VAMP7: variants seen among roughly 807,000 people sequenced by gnomAD.
The protein encoded by VAMP7 is vesicle-associated membrane protein 7.
Under a neutral mutation model 29.6 loss-of-function variants are expected in VAMP7, and 14 were observed. The ratio of observed to expected loss-of-function variants is 0.47; its 90% CI spans 0.31 to 0.74. The LOEUF (loss-of-function observed/expected upper bound fraction) is 0.74. Among genes scored for constraint, VAMP7 ranks in the 30% least tolerant of loss-of-function variants. VAMP7 has a pLI of 0.05. For missense variants in VAMP7, 223 were observed against 262.4 expected (o/e 0.85, Z 1.04); for synonymous variants, 95 against 88.1 (o/e 1.08, Z -0.44).
intron 2 of VAMP7, among the ~76,000 whole-genome samples, chrX:155,890,403 C>T (rs1028001554): frequency 6.6e-6 from 1 of 152,044 alleles, no homozygotes; most frequent in Non-Finnish European, 1.5e-5. Flanking sequence ...CTCTGTCACC[C>T]AGGCTGGAGT....
intron 1 of VAMP7, among the ~76,000 whole-genome samples, chrX:155,886,486 A>G (rs1311344460): frequency 2.0e-5 from 3 of 152,134 alleles, no homozygotes; most frequent in African/African-American, 4.8e-5. Flanking sequence ...ACTTATATTC[A>G]TTGTTCCTAG....
At chrX:155,889,173 G>A (rs1223609442) in intron 1 of VAMP7, among the ~76,000 whole-genome samples, 1 of 151,980 alleles carries the variant, frequency 6.6e-6, no homozygotes, top group East Asian at 1.9e-4. Context: ...ATATCTGTTT[G>A]TGCTATAATA....
Position 155,939,737 on chromosome X carries a change from C to T in VAMP7, c.538C>T (p.Arg180Ter). ...CAAAACTACCAGCAGAAATCTTGCT[C>T]GAGCCATGTGTATGAAGAACCTCAA... The part of the protein sequence containing the change: ...TFKTTSRNLA[R>*]AMCMKNLKLT... The change falls in exon 7 of 8, where the codon CGA becomes TGA. Residue 180 changes from arginine (R) to a stop codon, truncating the protein, a stop_gained. Transcript: ENST00000286448. LOFTEE classifies it high-confidence loss of function. 4.3e-6 allele frequency: 7 copies of T among 1,613,890 alleles called. No individual in the cohort carries two copies. The highest frequency in any genetic ancestry group is 1.1e-5 in the South Asian group (1 of 91,060).
intron 3 of VAMP7, among the ~76,000 whole-genome samples, chrX:155,896,808 G>C (rs963304665): frequency 9.9e-5 from 15 of 152,060 alleles, no homozygotes; most frequent in Non-Finnish European, 2.1e-4. Flanking sequence ...CATAGATCAG[G>C]GTTCCTAATC....
At chrX:155,909,767 T>C (rs1478279418) in intron 5 of VAMP7, among the ~76,000 whole-genome samples, 1 of 152,170 alleles carries the variant, frequency 6.6e-6, no homozygotes, top group African/African-American at 2.4e-5. Context: ...CTCTCTGTTC[T>C]CCCATCAGGC....
intron 1 of VAMP7, among the ~76,000 whole-genome samples, chrX:155,885,699 A>G (rs1211001398): frequency 6.6e-6 from 1 of 152,218 alleles, no homozygotes; most frequent in Non-Finnish European, 1.5e-5. Context: ...AGACACAGAT[A>G]CAGAGAACAC....
intron 1 of VAMP7, among the ~76,000 whole-genome samples, chrX:155,884,028 A>G (rs2065836960): frequency 6.6e-6 from 1 of 150,884 alleles, no homozygotes; most frequent in African/African-American, 2.4e-5. Context: ...CACATCTTTG[A>G]GTATTACTTT....
intron 5 of VAMP7, among the ~76,000 whole-genome samples, chrX:155,902,403 AT>A (rs2066076980): frequency 6.7e-6 from 1 of 149,902 alleles, no homozygotes; most frequent in African/African-American, 2.5e-5. Flanking sequence ...TTCCAACACT[AT>A]GTTGAATAGG....
chrX:155,919,704 C>T (rs1191773958), intron 5 of VAMP7, 109 bp from the exon 6 acceptor site: 13 of 952,412 alleles, frequency 1.4e-5, no homozygotes, highest in African/African-American at 8.4e-5. Flanking sequence ...CATGCCTGTC[C>T]TTTGGCCCCA....
At chrX:155,939,674 G>A in intron 6 of VAMP7, 27 bp from the exon 7 acceptor site, 1 of 1,555,880 alleles carries the variant, frequency 6.4e-7, no homozygotes. Flanking sequence ...AGTGCCAGGG[G>A]TTAAACAATT....
rs746877079 is a variant in VAMP7 at position 155,895,071 on chromosome X, C to T, written c.147-552C>T. On this transcript the variant is annotated intron_variant, in intron 2 of 7. Coordinates refer to ENST00000286448, the MANE Select transcript of VAMP7 (RefSeq NM_005638.6). ...GTGTCCCCAGAGCACCATGTACTGCCTTTAACTTTCCTGTCATCCTGTTTG... is the reference window on the plus strand; with the variant it reads ...GTGTCCCCAGAGCACCATGTACTGCTTTTAACTTTCCTGTCATCCTGTTTG... Among the ~76,000 whole-genome samples, 4 of 152,298 alleles carry T rather than the reference C, an allele frequency of 2.6e-5. No homozygotes were observed. The South Asian group carries it at 8.3e-4, about 32-fold the overall frequency.
intron 6 of VAMP7, among the ~76,000 whole-genome samples, chrX:155,932,550 G>C (rs1413502970): frequency 6.6e-6 from 1 of 152,052 alleles, no homozygotes; most frequent in Non-Finnish European, 1.5e-5. Context: ...ATTTTTGCAC[G>C]TTGATTTCGT....
intron 2 of VAMP7, among the ~76,000 whole-genome samples, chrX:155,889,968 G>A (rs1043861012): frequency 1.3e-5 from 2 of 152,002 alleles, no homozygotes; most frequent in African/African-American, 4.8e-5. Flanking sequence ...CTATTGCCAG[G>A]CACTTTGCTT....
chrX:155,914,381 A>G (rs903033466), intron 5 of VAMP7, among the ~76,000 whole-genome samples: 3 of 152,188 alleles, frequency 2.0e-5, no homozygotes, highest in Non-Finnish European at 4.4e-5. Context: ...TGCCCTGGAC[A>G]GAACTTCCAA....
chrX:155,898,909 T>C (rs1223302736), intron 4 of VAMP7, among the ~76,000 whole-genome samples: 1 of 152,124 alleles, frequency 6.6e-6, no homozygotes, highest in Non-Finnish European at 1.5e-5. Context: ...TATGTACTTT[T>C]TTGTGTCTTG....
chrX:155,905,482 C>T (rs1185463641), intron 5 of VAMP7, among the ~76,000 whole-genome samples: 1 of 152,080 alleles, frequency 6.6e-6, no homozygotes, highest in African/African-American at 2.4e-5. Flanking sequence ...AAACTGTCGC[C>T]TAAGCCAAGA....
intron 2 of VAMP7, among the ~76,000 whole-genome samples, chrX:155,895,097 C>G (rs754963604): frequency 6.6e-6 from 1 of 152,270 alleles, no homozygotes; most frequent in African/African-American, 2.4e-5. Context: ...ATCCTGTTTG[C>G]CATGCTGCAC....
chrX:155,932,405 C>G (rs181339791), intron 6 of VAMP7, among the ~76,000 whole-genome samples: 481 of 152,220 alleles, frequency 3.2e-3, no homozygotes, highest in Non-Finnish European at 3.8e-3. Context: ...TTGTAGTTCT[C>G]CTTGAAGAGG....
intron 1 of VAMP7, among the ~76,000 whole-genome samples, chrX:155,886,326 T>G (rs2065865161): frequency 6.6e-6 from 1 of 152,036 alleles, no homozygotes; most frequent in Non-Finnish European, 1.5e-5. Context: ...ACTTCATAGG[T>G]GGGATTTTTA....
Sources: allele counts gnomAD v4.1 joint callset (sites outside exome capture counted in the v4.1 genomes callset), GRCh38; gene constraint gnomAD v4.1.1; transcripts MANE v1.5; gene names NCBI Gene and HGNC (gene_info 2026-07-23, HGNC 2026-07-21).